Variants in PCSK5 observed in about 807,000 individuals in gnomAD.
PCSK5 encodes proprotein convertase subtilisin/kexin type 5.
In PCSK5, 129 loss-of-function variants were observed where a neutral mutation model predicts 233.2. The ratio of observed to expected loss-of-function variants is 0.55; its 90% CI spans 0.48 to 0.64. The LOEUF (loss-of-function observed/expected upper bound fraction) is 0.64. Ranked by LOEUF, PCSK5 falls within the 30% of genes least tolerant of loss-of-function variation. The probability of loss-of-function intolerance (pLI) is 0.00; values close to 1 mark genes in which losing one functional copy is unlikely to be tolerated. For synonymous variants in PCSK5, 825 were observed against 879.2 expected, an observed-to-expected ratio of 0.94 and a Z score of 1.09; for missense variants, 2,076 against 2,430.1, an observed-to-expected ratio of 0.85 and a Z score of 3.06.
At chr9:76,026,499 T>C (rs1828431264) in intron 4 of PCSK5, among the ~76,000 whole-genome samples, 2 of 152,184 alleles carry the variant, frequency 1.3e-5, no homozygotes, top group African/African-American at 2.4e-5. Flanking sequence ...ATGATTTTTG[T>C]CTTCTGAAAT....
chr9:76,285,188 C>G (rs936929917), intron 24 of PCSK5, among the ~76,000 whole-genome samples: 3 of 152,078 alleles, frequency 2.0e-5, no homozygotes, highest in Non-Finnish European at 4.4e-5. Context: ...ATTGGCCAAC[C>G]TGAATCCTGG....
At chr9:76,169,038 G>A (rs1196413853) in intron 12 of PCSK5, among the ~76,000 whole-genome samples, 1 of 152,116 alleles carries the variant, frequency 6.6e-6, no homozygotes, top group African/African-American at 2.4e-5. Context: ...TGTATTAGTA[G>A]TTATTACTGG....
chr9:75,960,013 C>T (rs1825272748), intron 2 of PCSK5, among the ~76,000 whole-genome samples: 1 of 152,124 alleles, frequency 6.6e-6, no homozygotes, highest in Non-Finnish European at 1.5e-5. Context: ...TTGTGGAGGA[C>T]CTAGGATTCA....
At chr9:76,044,271 A>C (rs1829281432) in intron 5 of PCSK5, among the ~76,000 whole-genome samples, 1 of 152,198 alleles carries the variant, frequency 6.6e-6, no homozygotes, top group Non-Finnish European at 1.5e-5. Context: ...GTTGGCATGT[A>C]TTCATGGTAG....
intron 9 of PCSK5, among the ~76,000 whole-genome samples, chr9:76,125,822 T>C (rs112455247): frequency 5.9e-5 from 9 of 152,200 alleles, no homozygotes; most frequent in Non-Finnish European, 1.2e-4. Context: ...TTTTTTGTTG[T>C]TCTTTTCCGA....
chr9:76,284,124 A>G (rs1277110247), intron 24 of PCSK5, among the ~76,000 whole-genome samples: 2 of 152,176 alleles, frequency 1.3e-5, no homozygotes, highest in African/African-American at 4.8e-5. Flanking sequence ...GCAAAAGAAA[A>G]AAAAAAAAGA....
chr9:76,146,597 G>C lies in PCSK5; in HGVS notation c.1313-10448G>C, dbSNP rs1823451042. Among the ~76,000 whole-genome samples the C allele has an allele frequency of 2.0e-5, 3 of 151,770 alleles. No individual in the cohort carries two copies. The South Asian group carries it at 6.2e-4, about 32-fold the overall frequency. ...ATGAGTTCTGAAGTTTTGAAGATGA[G>C]AGCAGTACTTTGTGTGGTTGACTTG... On this transcript the variant is annotated intron_variant, in intron 10 of 37. Transcript: ENST00000674117.
chr9:76,175,291 CG>C (rs1823550214), intron 14 of PCSK5, 162 bp downstream of exon 14: 2 of 526,716 alleles, frequency 3.8e-6, no homozygotes, highest in African/African-American at 2.4e-5. Flanking sequence ...CGAATCGAAT[CG>C]AATAGAATAG....
At chr9:76,249,079 G>A (rs1418089369) in intron 24 of PCSK5, among the ~76,000 whole-genome samples, 5 of 152,132 alleles carry the variant, frequency 3.3e-5, no homozygotes, top group Non-Finnish European at 7.4e-5. Context: ...TCGTATTCTT[G>A]ACAAAAGTGT....
At chr9:76,064,865 T>G (rs1056848367) in intron 5 of PCSK5, among the ~76,000 whole-genome samples, 1 of 152,210 alleles carries the variant, frequency 6.6e-6, no homozygotes, top group African/African-American at 2.4e-5. Context: ...CTTTTTTATT[T>G]TTGTAGAGAC....
intron 2 of PCSK5, among the ~76,000 whole-genome samples, chr9:75,940,305 C>A (rs190957151): frequency 6.6e-6 from 1 of 152,290 alleles, no homozygotes; most frequent in East Asian, 1.9e-4. Flanking sequence ...ATATTTGAAG[C>A]CTTTTGTTTA....
At chr9:76,182,408 A>G (rs1184429210) in intron 16 of PCSK5, among the ~76,000 whole-genome samples, 1 of 152,242 alleles carries the variant, frequency 6.6e-6, no homozygotes, top group Non-Finnish European at 1.5e-5. Context: ...GGGCTAAAAG[A>G]TGATCAGGTA....
intron 2 of PCSK5, among the ~76,000 whole-genome samples, chr9:75,938,802 C>T (rs1824173365): frequency 6.6e-6 from 1 of 152,130 alleles, no homozygotes; most frequent in Non-Finnish European, 1.5e-5. Flanking sequence ...GTTTCTTGGG[C>T]AGGTCTCTTT....
At position 76,351,533 on chromosome 9, in the gene PCSK5, G is replaced by GAAAGAAAGAAAGAAAGAAAGA. The variant is rs1354864321; in HGVS notation, c.5067+607_5067+608insAGAAAGAAAGAAAGAAAGAAA. ...GAAAGAAAGAAAGAAAGAAAGAAAG[G>GAAAGAAAGAAAGAAAGAAAGA]AAGGAAAGAAAGAGAAAGAAGAGAG... On this transcript the variant is annotated intron_variant, in intron 36 of 37. Transcript: ENST00000674117. Among the ~76,000 whole-genome samples the GAAAGAAAGAAAGAAAGAAAGA allele has an allele frequency of 6.9e-4, 11 of 15,846 alleles. 3 individuals carry two copies. The highest frequency in any genetic ancestry group is 8.5e-3 in the South Asian group (2 of 236). 10.4% of individuals were successfully genotyped at this position (15,846 alleles called of 152,430 possible).
At position 75,979,283 on chromosome 9, in the gene PCSK5, A is replaced by G. The variant is rs531914721; in HGVS notation, c.298-6849A>G. Among the ~76,000 whole-genome samples, 5 of 152,288 alleles carry G rather than the reference A, an allele frequency of 3.3e-5. No homozygotes were observed. The East Asian group carries it at 5.8e-4, about 18-fold the overall frequency. ...AGCCGTCTAAAAAAAAAACCAGTTC[A>G]TACTGGCTAGCATCACAAGGGTACT... On this transcript the variant is annotated intron_variant, in intron 2 of 37. Transcript: ENST00000674117.
intron 9 of PCSK5, among the ~76,000 whole-genome samples, chr9:76,117,080 A>G (rs1463150406): frequency 6.6e-6 from 1 of 152,212 alleles, no homozygotes; most frequent in East Asian, 1.9e-4. Context: ...ATTTTGAAAC[A>G]AACTTTTTTT....
At chr9:76,005,068 CCCTT>C (rs1166042591) in intron 3 of PCSK5, among the ~76,000 whole-genome samples, 1 of 152,220 alleles carries the variant, frequency 6.6e-6, no homozygotes, top group East Asian at 1.9e-4. Flanking sequence ...AGATTTCTTT[CCCTT>C]CCTTTCACAG....
At chr9:76,218,423 G>A (rs902325702) in intron 20 of PCSK5, among the ~76,000 whole-genome samples, 6 of 152,270 alleles carry the variant, frequency 3.9e-5, no homozygotes, top group African/African-American at 1.4e-4. Flanking sequence ...TCAGGGGCAG[G>A]AGAAAAAGCA....
At chr9:75,908,945 A>G (rs77921802) in intron 1 of PCSK5, among the ~76,000 whole-genome samples, 6,155 of 56,626 alleles carry the variant, frequency 0.11, 201 homozygotes, top group African/African-American at 0.12. Flanking sequence ...CTCTCTGTCT[A>G]TCTATCTATC....
Sources: allele counts gnomAD v4.1 joint callset (sites outside exome capture counted in the v4.1 genomes callset), GRCh38; gene constraint gnomAD v4.1.1; transcripts MANE v1.5; gene names NCBI Gene and HGNC (gene_info 2026-07-23, HGNC 2026-07-21).